Variants in RBMS3 observed in about 807,000 individuals in gnomAD.
The protein encoded by RBMS3 is RNA-binding motif, single-stranded-interacting protein 3.
RBMS3 carries 27 observed loss-of-function variants against 66.8 expected under a neutral mutation model. That is an observed-to-expected ratio of 0.40 (90% CI 0.30 to 0.56). The LOEUF (loss-of-function observed/expected upper bound fraction) is 0.56, where lower values mean the gene tolerates loss of function less well. Ranked by LOEUF, RBMS3 falls within the 20% of genes least tolerant of loss-of-function variation. The pLI, the probability that RBMS3 is intolerant of heterozygous loss-of-function variation, is 0.40. For synonymous variants in RBMS3, 188 were observed against 183.0 expected (o/e 1.03, Z -0.22); for missense variants, 513 against 549.5 (o/e 0.93, Z 0.66).
chr3:29,982,737 T>A (rs1199626796), intron 12 of RBMS3, among the ~76,000 whole-genome samples: 1 of 152,232 alleles, frequency 6.6e-6, no homozygotes, highest in Non-Finnish European at 1.5e-5. Flanking sequence ...GTGAGTTTCT[T>A]CATCCTGAGT....
chr3:29,564,002 G>A lies in RBMS3; in HGVS notation c.308-23112G>A, dbSNP rs536218755. Among the ~76,000 whole-genome samples the A allele has an allele frequency of 3.3e-4, 45 of 137,314 alleles. No homozygotes were observed. The South Asian group carries it at 9.7e-3, about 30-fold the overall frequency. 90.1% of individuals were successfully genotyped at this position (137,314 alleles called of 152,430 possible). On this transcript the variant is annotated intron_variant, in intron 3 of 14. Coordinates refer to ENST00000383767, the MANE Select transcript of RBMS3 (RefSeq NM_001003793.3). ...ACTGCTCTCAACAGTGTGAGATGCTGTCAAAAAAAAAAAAAGAAAAAGAAA... is the reference window on the plus strand; with the variant it reads ...ACTGCTCTCAACAGTGTGAGATGCTATCAAAAAAAAAAAAAGAAAAAGAAA...
intron 10 of RBMS3, among the ~76,000 whole-genome samples, chr3:29,913,067 T>A (rs1412553427): frequency 6.6e-6 from 1 of 151,956 alleles, no homozygotes; most frequent in Admixed American, 6.6e-5. Context: ...TTGGCTATCA[T>A]CACTAGGTGG....
intron 10 of RBMS3, among the ~76,000 whole-genome samples, chr3:29,921,864 G>A (rs1197842851): frequency 6.6e-6 from 1 of 152,110 alleles, no homozygotes; most frequent in Admixed American, 6.5e-5. Context: ...TTGATACTCA[G>A]TGATCTCAGG....
intron 6 of RBMS3, among the ~76,000 whole-genome samples, chr3:29,807,514 T>A (rs1257098620): frequency 1.3e-5 from 2 of 151,932 alleles, no homozygotes; most frequent in African/African-American, 4.8e-5. Flanking sequence ...CATACAGATA[T>A]TTGTACAAAG....
chr3:29,608,866 T>C (rs1161002960), intron 4 of RBMS3, among the ~76,000 whole-genome samples: 2 of 152,034 alleles, frequency 1.3e-5, no homozygotes, highest in African/African-American at 4.8e-5. Context: ...GTGCTCCTTG[T>C]TTGCATTAGG....
At chr3:29,344,783 C>G (rs921583651) in intron 1 of RBMS3, among the ~76,000 whole-genome samples, 2 of 151,828 alleles carry the variant, frequency 1.3e-5, no homozygotes, top group Non-Finnish European at 2.9e-5. Context: ...TCTCTCTTTC[C>G]AAAAAGGATT....
intron 3 of RBMS3, among the ~76,000 whole-genome samples, chr3:29,542,460 A>G (rs1186225049): frequency 6.6e-6 from 1 of 152,168 alleles, no homozygotes; most frequent in Non-Finnish European, 1.5e-5. Context: ...TCCCGGGATC[A>G]AGCGATTCTC....
At chr3:29,911,602 CA>C (rs2060514474) in intron 10 of RBMS3, among the ~76,000 whole-genome samples, 1 of 152,004 alleles carries the variant, frequency 6.6e-6, no homozygotes, top group African/African-American at 2.4e-5. Context: ...AGCCTCTGCA[CA>C]AGGCTAATTA....
At chr3:29,914,783 A>G (rs909923414) in intron 10 of RBMS3, among the ~76,000 whole-genome samples, 1 of 151,932 alleles carries the variant, frequency 6.6e-6, no homozygotes, top group South Asian at 2.1e-4. Flanking sequence ...GGAGCCCCCA[A>G]TGAAGTCTAG....
rs2059714082 is a variant in RBMS3 at position 29,880,631 on chromosome 3, G to A, written c.745-3531G>A. On this transcript the variant is annotated intron_variant, in intron 7 of 14. Transcript: ENST00000383767. ...ATTACACATGAAGTGGAAACCAGGT[G>A]TATCCAAGTGTTAGTTATTGTGCTA... 9 of 673,878 alleles carry A rather than the reference G, an allele frequency of 1.3e-5. No homozygotes were observed. The South Asian group carries it at 1.4e-4, about 11-fold the overall frequency. 41.7% of individuals were successfully genotyped at this position (673,878 alleles called of 1,614,324 possible).
chr3:29,434,358 C>T (rs1435647033), intron 1 of RBMS3, among the ~76,000 whole-genome samples: 6 of 152,040 alleles, frequency 3.9e-5, no homozygotes, highest in African/African-American at 1.4e-4. Context: ...ACCAAAGATG[C>T]TTGGGTATTA....
chr3:29,432,227 A>G (rs1052158227), intron 1 of RBMS3, among the ~76,000 whole-genome samples: 5 of 152,330 alleles, frequency 3.3e-5, no homozygotes, highest in Middle Eastern at 3.4e-3. Context: ...TCTGAGATTT[A>G]GAATTAAGAA....
chr3:29,930,268 C>T (rs962103211), intron 10 of RBMS3, among the ~76,000 whole-genome samples: 2 of 151,246 alleles, frequency 1.3e-5, no homozygotes, highest in Non-Finnish European at 2.9e-5. Context: ...CCTACCACCA[C>T]GCCTGGCTAA....
intron 14 of RBMS3, among the ~76,000 whole-genome samples, chr3:29,999,039 T>C (rs920012529): frequency 5.3e-5 from 8 of 151,876 alleles, no homozygotes. Context: ...AGGGCTAATA[T>C]CCAGAATCTA....
intron 5 of RBMS3, among the ~76,000 whole-genome samples, chr3:29,746,379 T>C (rs1385865510): frequency 1.3e-5 from 2 of 152,210 alleles, no homozygotes; most frequent in East Asian, 3.8e-4. Flanking sequence ...AGTGTAAACT[T>C]AGTGATTAGT....
intron 5 of RBMS3, among the ~76,000 whole-genome samples, chr3:29,741,000 C>T (rs2054615372): frequency 6.7e-6 from 1 of 148,412 alleles, no homozygotes; most frequent in South Asian, 2.1e-4. Context: ...GAGATCGCGC[C>T]ACTATACTCC....
intron 6 of RBMS3, among the ~76,000 whole-genome samples, chr3:29,790,223 T>C (rs1431928052): frequency 1.3e-5 from 2 of 152,122 alleles, no homozygotes; most frequent in Non-Finnish European, 2.9e-5. Flanking sequence ...TTCTAAAATA[T>C]AGGTAAAAAA....
intron 3 of RBMS3, among the ~76,000 whole-genome samples, chr3:29,522,544 G>A (rs1370452803): frequency 6.6e-6 from 1 of 152,074 alleles, no homozygotes; most frequent in East Asian, 1.9e-4. Context: ...ACAGGAAGCT[G>A]CTACCAATCC....
chr3:29,631,283 T>G (rs1346283948), intron 4 of RBMS3, among the ~76,000 whole-genome samples: 1 of 151,888 alleles, frequency 6.6e-6, no homozygotes, highest in East Asian at 1.9e-4. Flanking sequence ...AATAGATGAA[T>G]AATAACCTTG....
Sources: allele counts gnomAD v4.1 joint callset (sites outside exome capture counted in the v4.1 genomes callset), GRCh38; gene constraint gnomAD v4.1.1; transcripts MANE v1.5; gene names NCBI Gene and HGNC (gene_info 2026-07-23, HGNC 2026-07-21).